SLC2A9: variants seen among roughly 807,000 people sequenced by gnomAD.
SLC2A9 encodes solute carrier family 2 member 9, also known as solute carrier family 2, facilitated glucose transporter member 9.
Under a neutral mutation model 50.6 loss-of-function variants are expected in SLC2A9, and 39 were observed. That is an observed-to-expected ratio of 0.77 (90% CI 0.60 to 1.01). The LOEUF is 1.01. SLC2A9 is among the 50% of genes least tolerant of loss of function. The pLI is 0.00. For synonymous variants in SLC2A9, 324 were observed against 276.9 expected, an observed-to-expected ratio of 1.17 and a Z score of -1.69; for missense variants, 686 against 677.6, an observed-to-expected ratio of 1.01 and a Z score of -0.14.
intron 10 of SLC2A9, among the ~76,000 whole-genome samples, chr4:9,845,036 CAG>C (rs10540197): frequency 0.17 from 25,360 of 151,628 alleles, 3,017 homozygotes; most frequent in African/African-American, 0.33. Context: ...TTTTTTGAGA[CAG>C]AGTCTCGCTC....
rs534728717 is a variant in SLC2A9 at position 9,859,829 on chromosome 4, C to G, written c.1292-24821G>C. Among the ~76,000 whole-genome samples the G allele has an allele frequency of 7.2e-5, 11 of 152,336 alleles. No individual in the cohort carries two copies. In the South Asian group the frequency reaches 2.1e-3, roughly 29 times the overall value. On this transcript the variant is annotated intron_variant, in intron 10 of 11. Coordinates refer to ENST00000264784, the MANE Select transcript of SLC2A9 (RefSeq NM_020041.3). ...TGCTGGAAGTCAGGGAGCGCCTGCT[C>G]TCTTTGCAGAACCGGCAGCCCCAGG...
Position 10,001,635 on chromosome 4 carries a change from C to CGG in SLC2A9, c.250-4695_250-4694insCC, listed in dbSNP as rs140556076. Among the ~76,000 whole-genome samples, 1,417 of 152,326 alleles carry CGG rather than the reference C, an allele frequency of 9.3e-3. 26 individuals carry two copies. The highest frequency in any genetic ancestry group is 0.032 in the African/African-American group (1,328 of 41,578). On this transcript the variant is annotated intron_variant, in intron 2 of 11. Transcript: ENST00000264784. ...CCACTCAACCGGTCCAAACTGCCATCCCCTCACTGGGGCTACCAGGACACT... is the reference window on the plus strand; with the variant it reads ...CCACTCAACCGGTCCAAACTGCCATCGGCCCTCACTGGGGCTACCAGGACACT...
At chr4:9,886,820 C>G (rs745317718) in intron 10 of SLC2A9, among the ~76,000 whole-genome samples, 1 of 152,202 alleles carries the variant, frequency 6.6e-6, no homozygotes, top group Non-Finnish European at 1.5e-5. Context: ...GAGGTCCCTG[C>G]TGGACGTGGA....
intron 8 of SLC2A9, among the ~76,000 whole-genome samples, chr4:9,897,078 C>T (rs186490988): frequency 1.3e-4 from 20 of 152,258 alleles, no homozygotes; most frequent in African/African-American, 4.8e-4. Context: ...ACTTGAGGCT[C>T]AGAGAGGTTT....
At chr4:10,039,118 T>C (rs916691979) in intron 1 of SLC2A9, among the ~76,000 whole-genome samples, 1 of 152,234 alleles carries the variant, frequency 6.6e-6, no homozygotes, top group African/African-American at 2.4e-5. Flanking sequence ...AGAGTGTTCA[T>C]GTGAGCTCAA....
chr4:9,959,954 T>G (rs1751993256), intron 5 of SLC2A9, among the ~76,000 whole-genome samples: 1 of 152,198 alleles, frequency 6.6e-6, no homozygotes, highest in South Asian at 2.1e-4. Context: ...GGGAGATAAT[T>G]TATTTCCAAG....
At chr4:9,947,057 T>C (rs1749311592) in intron 5 of SLC2A9, among the ~76,000 whole-genome samples, 1 of 152,208 alleles carries the variant, frequency 6.6e-6, no homozygotes, top group African/African-American at 2.4e-5. Flanking sequence ...GGTTGACTTC[T>C]CTATTTCTCT....
chr4:9,938,270 A>ATTTTT (rs35270015), intron 6 of SLC2A9, among the ~76,000 whole-genome samples: 1 of 118,220 alleles, frequency 8.5e-6, no homozygotes, highest in Non-Finnish European at 1.7e-5. Flanking sequence ...ATCTTTTGCT[A>ATTTTT]TTTTTTTTTT....
chr4:9,863,865 G>C (rs2109419972), intron 10 of SLC2A9, among the ~76,000 whole-genome samples: 1 of 152,192 alleles, frequency 6.6e-6, no homozygotes, highest in South Asian at 2.1e-4. Context: ...AAGTCGAGTT[G>C]ATGTATTGCT....
At chr4:9,864,284 G>A (rs1234836310) in intron 10 of SLC2A9, among the ~76,000 whole-genome samples, 5 of 150,544 alleles carry the variant, frequency 3.3e-5, no homozygotes, top group African/African-American at 5.0e-5. Context: ...TCTTCTGGAA[G>A]GCTGGTTTGA....
chr4:9,784,988 T>C (rs1413179069), intron 3 of SLC2A9, among the ~76,000 whole-genome samples: 1 of 152,320 alleles, frequency 6.6e-6, no homozygotes, highest in Non-Finnish European at 1.5e-5. Context: ...AACAGTGAGA[T>C]TGAAAGCAAA....
chr4:10,025,907 TTTC>T (rs1488952674), upstream of SLC2A9: 6 of 1,613,938 alleles, frequency 3.7e-6, no homozygotes, highest in African/African-American at 8.0e-5. Flanking sequence ...GACTGACCAA[TTTC>T]TTTTTCGCTG....
chr4:9,869,338 C>G (rs1012393597), intron 10 of SLC2A9, among the ~76,000 whole-genome samples: 1 of 152,152 alleles, frequency 6.6e-6, no homozygotes, highest in African/African-American at 2.4e-5. Context: ...TAGCTTCCCA[C>G]TGGCTTCAGG....
intron 5 of SLC2A9, among the ~76,000 whole-genome samples, chr4:9,966,132 G>A (rs1308462342): frequency 6.6e-6 from 1 of 152,096 alleles, no homozygotes; most frequent in African/African-American, 2.4e-5. Context: ...TGGATGACAT[G>A]GGCAGAGTGA....
At chr4:9,899,259 T>G (rs1361127619) in intron 8 of SLC2A9, among the ~76,000 whole-genome samples, 1 of 152,178 alleles carries the variant, frequency 6.6e-6, no homozygotes, top group Non-Finnish European at 1.5e-5. Context: ...TAGTCAGAAG[T>G]TGGATTATTG....
Position 9,942,061 on chromosome 4 carries a change from A to G in SLC2A9, c.682-16T>C, listed in dbSNP as rs746423054. 6.2e-7 allele frequency: 1 copy of G among 1,613,824 alleles called. No homozygotes were observed. The highest frequency in any genetic ancestry group is 8.5e-7 in the Non-Finnish European group (1 of 1,179,828). ...AGGTACTCTCCTGTGGGAGAAGGAG[A>G]TGCTGCTGAGTGCAGTGGCCTTTGG... On this transcript the variant is annotated splice_polypyrimidine_tract_variant and intron_variant, in intron 5 of 11. Coordinates refer to ENST00000264784, the MANE Select transcript of SLC2A9 (RefSeq NM_020041.3).
chr4:9,867,955 A>G (rs1212859473), intron 10 of SLC2A9, among the ~76,000 whole-genome samples: 1 of 152,150 alleles, frequency 6.6e-6, no homozygotes, highest in African/African-American at 2.4e-5. Flanking sequence ...CACTGCCCAG[A>G]CACACTCAAT....
intron 5 of SLC2A9, among the ~76,000 whole-genome samples, chr4:9,961,966 A>G (rs182773236): frequency 3.3e-4 from 51 of 152,350 alleles, no homozygotes; most frequent in Middle Eastern, 3.4e-3. Context: ...TATGAAAAAA[A>G]GCTCAACATC....
rs375635570 is a variant in SLC2A9 at position 9,829,871 on chromosome 4, T to C, written c.1420-3271A>G. ...TAAAAAGTCAAGAAACAACAGATGC[T>C]GGCGAGCTTGCGGAGAAAAAGGAAT... On this transcript the variant is annotated intron_variant, in intron 11 of 11. Coordinates refer to ENST00000264784, the MANE Select transcript of SLC2A9 (RefSeq NM_020041.3). 3.9e-5 allele frequency among the ~76,000 whole-genome samples: 6 copies of C among 152,202 alleles called. No individual in the cohort carries two copies. The East Asian group carries it at 9.6e-4, about 24-fold the overall frequency.
Sources: allele counts gnomAD v4.1 joint callset (sites outside exome capture counted in the v4.1 genomes callset), GRCh38; gene constraint gnomAD v4.1.1; transcripts MANE v1.5; gene names NCBI Gene and HGNC (gene_info 2026-07-23, HGNC 2026-07-21).